CNTNAP5: variants seen among roughly 807,000 people sequenced by gnomAD.
CNTNAP5 encodes the protein contactin associated protein family member 5.
Under a neutral mutation model 150.2 loss-of-function variants are expected in CNTNAP5, and 72 were observed. The observed-to-expected ratio is 0.48, with a 90% CI of 0.40 to 0.58. CNTNAP5 has a LOEUF of 0.58. Among genes scored for constraint, CNTNAP5 ranks in the 20% least tolerant of loss-of-function variants. The pLI, the probability that CNTNAP5 is intolerant of heterozygous loss-of-function variation, is 0.00. For synonymous variants in CNTNAP5, 672 were observed against 619.8 expected (o/e 1.08, Z -1.25); for missense variants, 1,636 against 1,626.2 (o/e 1.01, Z -0.10).
intron 3 of CNTNAP5, among the ~76,000 whole-genome samples, chr2:124,383,926 T>C (rs1690866147): frequency 6.6e-6 from 1 of 152,220 alleles, no homozygotes; most frequent in Non-Finnish European, 1.5e-5. Flanking sequence ...GCAGCCAAGT[T>C]ACACATTTTT....
At chr2:124,763,240 T>C (rs1027856849) in intron 14 of CNTNAP5, among the ~76,000 whole-genome samples, 6 of 152,142 alleles carry the variant, frequency 3.9e-5, no homozygotes, top group African/African-American at 1.4e-4. Flanking sequence ...TAAAACCTGT[T>C]GGCAGGTGGC....
At chr2:124,778,696 G>T (rs138138033) in intron 17 of CNTNAP5, 36 of 152,560 alleles carry the variant, frequency 2.4e-4, no homozygotes, top group African/African-American at 8.4e-4. Flanking sequence ...CCAAAGAAAA[G>T]TATAGTTCAG....
intron 4 of CNTNAP5, among the ~76,000 whole-genome samples, chr2:124,422,678 G>A (rs1692136481): frequency 1.3e-5 from 2 of 152,222 alleles, no homozygotes; most frequent in South Asian, 4.2e-4. Flanking sequence ...AGCAACCTAC[G>A]ATTCCTGAGC....
chr2:124,177,594 T>G (rs1400951730), intron 1 of CNTNAP5, among the ~76,000 whole-genome samples: 7 of 152,170 alleles, frequency 4.6e-5, no homozygotes, highest in African/African-American at 7.2e-5. Flanking sequence ...TGTTGGTGGC[T>G]TGGAGAAACA....
At chr2:124,059,789 A>C (rs929832488) in intron 1 of CNTNAP5, among the ~76,000 whole-genome samples, 5 of 152,008 alleles carry the variant, frequency 3.3e-5, no homozygotes, top group African/African-American at 1.2e-4. Flanking sequence ...TGGTCTTCTG[A>C]ACAAGATGGC....
chr2:124,329,759 C>G (rs1444675716), intron 3 of CNTNAP5, among the ~76,000 whole-genome samples: 1 of 152,050 alleles, frequency 6.6e-6, no homozygotes, highest in East Asian at 1.9e-4. Context: ...TGGAGGCTTC[C>G]CATTAAAGTT....
intron 11 of CNTNAP5, among the ~76,000 whole-genome samples, chr2:124,578,201 G>T (rs1696335453): frequency 1.3e-5 from 2 of 149,962 alleles, no homozygotes; most frequent in Admixed American, 1.3e-4. Context: ...ATGGTGGCAG[G>T]CACCTGTAAT....
intron 3 of CNTNAP5, among the ~76,000 whole-genome samples, chr2:124,304,738 C>CA (rs1688640865): frequency 6.6e-6 from 1 of 152,108 alleles, no homozygotes; most frequent in Non-Finnish European, 1.5e-5. Context: ...TACAAATGGC[C>CA]AGAGGCTTCC....
At chr2:124,234,182 A>G (rs1435929016) in intron 2 of CNTNAP5, among the ~76,000 whole-genome samples, 2 of 152,154 alleles carry the variant, frequency 1.3e-5, no homozygotes, top group Non-Finnish European at 2.9e-5. Context: ...CTATATATAT[A>G]TAAAATCAGG....
chr2:124,777,767 A>G (rs984926146), intron 17 of CNTNAP5, among the ~76,000 whole-genome samples: 2 of 139,906 alleles, frequency 1.4e-5, no homozygotes, highest in African/African-American at 5.3e-5. Context: ...TTGAAGCAGA[A>G]TGGAGGGATG....
chr2:124,254,074 A>G (rs1269268034), intron 3 of CNTNAP5, among the ~76,000 whole-genome samples: 1 of 152,140 alleles, frequency 6.6e-6, no homozygotes, highest in East Asian at 1.9e-4. Context: ...TCACATCTGT[A>G]AAATTTTTAT....
chr2:124,670,100 G>A (rs1255888003), intron 13 of CNTNAP5, among the ~76,000 whole-genome samples: 2 of 150,254 alleles, frequency 1.3e-5, no homozygotes, highest in Non-Finnish European at 3.0e-5. Flanking sequence ...GCTGACACTT[G>A]CCTGCCTGCC....
At chr2:124,400,682 T>TG (rs200394229) in intron 3 of CNTNAP5, among the ~76,000 whole-genome samples, 16,132 of 114,816 alleles carry the variant, frequency 0.14, 1,217 homozygotes, top group South Asian at 0.33. Context: ...TTTTTTTTTT[T>TG]TTTTTTGTTT....
intron 13 of CNTNAP5, among the ~76,000 whole-genome samples, chr2:124,656,130 C>A (rs562777511): frequency 1.3e-5 from 2 of 151,326 alleles, no homozygotes; most frequent in South Asian, 4.2e-4. Flanking sequence ...CTGCTTCTAT[C>A]TTCTAATGGA....
At chr2:124,368,021 A>G (rs1347747356) in intron 3 of CNTNAP5, among the ~76,000 whole-genome samples, 1 of 152,174 alleles carries the variant, frequency 6.6e-6, no homozygotes, top group Admixed American at 6.5e-5. Flanking sequence ...TGTGTCTATA[A>G]TTCAGTTATA....
chr2:124,607,365 C>G (rs1355165392), intron 11 of CNTNAP5, among the ~76,000 whole-genome samples: 1 of 152,154 alleles, frequency 6.6e-6, no homozygotes, highest in Non-Finnish European at 1.5e-5. Flanking sequence ...GGGCCTCTTG[C>G]AAGGGCTGCC....
chr2:124,446,852 G>A lies in CNTNAP5; in HGVS notation c.833G>A (p.Gly278Asp). 3 of 1,613,866 alleles carry A rather than the reference G, an allele frequency of 1.9e-6. No individual in the cohort carries two copies. Among genetic ancestry groups the A allele is most frequent in the Non-Finnish European group, 2.5e-6 (3 of 1,179,826 alleles). ...CACTCGGTCCTCATTGAGCGGGTGG[G>A]CAAGCAGGTGAACTTCACGGTGGAC... ...HWHSVLIERV[G>D]KQVNFTVDKH... Residue 278 changes from glycine to aspartate, a missense_variant, in exon 6 of 24, where the codon GGC becomes GAC. Transcript: ENST00000682447.
chr2:124,149,807 C>T lies in CNTNAP5; in HGVS notation c.83-71898C>T, dbSNP rs183232503. On this transcript the variant is annotated intron_variant, in intron 1 of 23. Coordinates refer to ENST00000682447, the MANE Select transcript of CNTNAP5 (RefSeq NM_001367498.1). ...AAACACTGAACAGCTCGCAGCTGGC[C>T]GGGCCAACTGTGTGTCTTCTGTTGC... 5.2e-4 allele frequency among the ~76,000 whole-genome samples: 79 copies of T among 152,266 alleles called. No homozygotes were observed. In the East Asian group the frequency reaches 0.015, roughly 28 times the overall value.
intron 21 of CNTNAP5, among the ~76,000 whole-genome samples, chr2:124,870,784 T>C (rs1677729831): frequency 6.6e-6 from 1 of 152,126 alleles, no homozygotes; most frequent in Non-Finnish European, 1.5e-5. Flanking sequence ...CCATACTGTA[T>C]GCAAATTCAC....
Sources: gnomAD v4.1 joint callset for allele counts (sites outside exome capture counted in the v4.1 genomes callset) on GRCh38, gnomAD v4.1.1 for gene constraint, MANE v1.5 for transcripts, NCBI Gene and HGNC (gene_info 2026-07-23, HGNC 2026-07-21) for gene names.